The following SCAPER variants were observed in gnomAD, a reference collection of about 807,000 sequenced individuals.
SCAPER encodes S-phase cyclin A associated protein in the ER.
SCAPER carries 98 observed loss-of-function variants against 182.2 expected under a neutral mutation model. That is an observed-to-expected ratio of 0.54 (90% CI 0.46 to 0.64). SCAPER has a LOEUF of 0.64. Among genes scored for constraint, SCAPER ranks in the 30% least tolerant of loss-of-function variants. SCAPER has a pLI of 0.00. For missense variants in SCAPER, 1,432 were observed against 1,690.0 expected (o/e 0.85, Z 2.68); for synonymous variants, 605 against 564.6 (o/e 1.07, Z -1.01).
At chr15:76,428,866 C>CTATACATATATATA (rs2046629241) in intron 26 of SCAPER, among the ~76,000 whole-genome samples, 1 of 79,954 alleles carries the variant, frequency 1.3e-5, no homozygotes, top group Non-Finnish European at 2.3e-5. Flanking sequence ...GATCATTATA[C>CTATACATATATATA]TATATATATA....
intron 20 of SCAPER, among the ~76,000 whole-genome samples, chr15:76,681,882 C>G (rs775563276): frequency 5.9e-5 from 9 of 152,272 alleles, no homozygotes; most frequent in South Asian, 2.1e-4. Flanking sequence ...TGACCATCCC[C>G]CAAGGCTCAC....
chr15:76,748,083 C>G (rs867869526), intron 15 of SCAPER, among the ~76,000 whole-genome samples: 1 of 151,682 alleles, frequency 6.6e-6, no homozygotes, highest in African/African-American at 2.4e-5. Context: ...CTCCGCCTCC[C>G]GGGTTCAAGC....
At chr15:76,824,929 T>C (rs1307405221) in intron 5 of SCAPER, among the ~76,000 whole-genome samples, 2 of 152,202 alleles carry the variant, frequency 1.3e-5, no homozygotes, top group Non-Finnish European at 2.9e-5. Flanking sequence ...CAATTCCTAA[T>C]CAATTTTTAT....
At chr15:76,695,173 T>C (rs1034763106) in intron 20 of SCAPER, among the ~76,000 whole-genome samples, 2 of 152,174 alleles carry the variant, frequency 1.3e-5, no homozygotes, top group African/African-American at 4.8e-5. Context: ...TAAGGTCACT[T>C]TGCACTCCGA....
At chr15:76,692,492 C>T (rs2058416186) in intron 20 of SCAPER, among the ~76,000 whole-genome samples, 2 of 151,788 alleles carry the variant, frequency 1.3e-5, no homozygotes. Flanking sequence ...ATTTTGAGAC[C>T]AGCCCGGCCA....
chr15:76,609,110 G>A (rs1041479655), intron 22 of SCAPER, among the ~76,000 whole-genome samples: 13 of 152,242 alleles, frequency 8.5e-5, no homozygotes, highest in South Asian at 6.2e-4. Flanking sequence ...CGTCTTCTGC[G>A]TCGCTCATGC....
At chr15:76,647,341 T>G (rs568818908) in intron 21 of SCAPER, among the ~76,000 whole-genome samples, 35 of 152,364 alleles carry the variant, frequency 2.3e-4, no homozygotes, top group Non-Finnish European at 4.3e-4. Context: ...TATCATATTG[T>G]CCTTTCTACT....
chr15:76,485,325 T>C (rs966054052), intron 24 of SCAPER, among the ~76,000 whole-genome samples: 3 of 151,928 alleles, frequency 2.0e-5, no homozygotes, highest in South Asian at 2.1e-4. Flanking sequence ...TACAGCTAAC[T>C]AGGGAGGTAA....
chr15:76,430,923 C>T (rs1391160948), intron 26 of SCAPER, among the ~76,000 whole-genome samples: 2 of 152,064 alleles, frequency 1.3e-5, no homozygotes, highest in African/African-American at 4.8e-5. Context: ...TGGGAGGGAC[C>T]CGGTGGGAGG....
At chr15:76,721,634 T>C (rs1435377170) in intron 17 of SCAPER, among the ~76,000 whole-genome samples, 1 of 152,044 alleles carries the variant, frequency 6.6e-6, no homozygotes, top group Non-Finnish European at 1.5e-5. Context: ...CTTGAAGAGG[T>C]CCTTCACGTC....
chr15:76,570,442 A>C (rs1232318205), intron 23 of SCAPER, among the ~76,000 whole-genome samples: 1 of 152,172 alleles, frequency 6.6e-6, no homozygotes. Context: ...ATCTTGGCCC[A>C]GTAATTATTC....
chr15:76,778,694 T>C (rs2063900473), intron 8 of SCAPER, among the ~76,000 whole-genome samples: 1 of 151,982 alleles, frequency 6.6e-6, no homozygotes. Flanking sequence ...CTTATATACC[T>C]ATAGTTTAAG....
intron 8 of SCAPER, among the ~76,000 whole-genome samples, chr15:76,781,317 A>T (rs1230054729): frequency 6.6e-6 from 1 of 152,202 alleles, no homozygotes; most frequent in Non-Finnish European, 1.5e-5. Context: ...AATAAAACGA[A>T]AGGAGAAGAC....
intron 24 of SCAPER, among the ~76,000 whole-genome samples, chr15:76,481,593 T>C (rs937703869): frequency 5.1e-4 from 78 of 152,348 alleles, no homozygotes; most frequent in African/African-American, 1.8e-3. Context: ...TTAGTTGTTA[T>C]AAGGAAAACA....
intron 23 of SCAPER, among the ~76,000 whole-genome samples, chr15:76,528,354 T>C (rs2043362191): frequency 6.6e-6 from 1 of 152,216 alleles, no homozygotes; most frequent in African/African-American, 2.4e-5. Context: ...ATCTCGAGTC[T>C]AGATCTCTCT....
chr15:76,752,063 T>C (rs1206306810), intron 15 of SCAPER, among the ~76,000 whole-genome samples: 1 of 146,740 alleles, frequency 6.8e-6, no homozygotes, highest in Non-Finnish European at 1.5e-5. Flanking sequence ...AATTCAAGAA[T>C]GTGAAAAGGA....
chr15:76,709,546 A>G (rs1027379781), intron 17 of SCAPER, among the ~76,000 whole-genome samples: 6 of 152,210 alleles, frequency 3.9e-5, no homozygotes, highest in African/African-American at 1.4e-4. Context: ...GACCAAAAAC[A>G]AGGGGAAAAA....
At chr15:76,805,449 T>C (rs1341179198) in intron 5 of SCAPER, among the ~76,000 whole-genome samples, 2 of 152,150 alleles carry the variant, frequency 1.3e-5, no homozygotes, top group African/African-American at 4.8e-5. Flanking sequence ...TTTTTTATCC[T>C]AGTCATCCTA....
chr15:76,728,860 G>A, intron 16 of SCAPER, 123 bp from the exon 17 acceptor site: 1 of 978,646 alleles, frequency 1.0e-6, no homozygotes, highest in South Asian at 2.0e-5. Context: ...CTTGCCACTA[G>A]GTACTCTGCT....
Sources: gnomAD v4.1 joint callset for allele counts (sites outside exome capture counted in the v4.1 genomes callset) on GRCh38, gnomAD v4.1.1 for gene constraint, MANE v1.5 for transcripts, NCBI Gene and HGNC (gene_info 2026-07-23, HGNC 2026-07-21) for gene names.